Variants in LAMA4 observed in about 807,000 individuals in gnomAD.
The protein encoded by LAMA4 is laminin subunit alpha-4.
In LAMA4, 127 loss-of-function variants were observed where a neutral mutation model predicts 207.1. The observed-to-expected ratio is 0.61, with a 90% CI of 0.53 to 0.71. The LOEUF is 0.71. Among genes scored for constraint, LAMA4 ranks in the 30% least tolerant of loss-of-function variants. The pLI is 0.00. For synonymous variants in LAMA4, 761 were observed against 816.0 expected (o/e 0.93, Z 1.15); for missense variants, 2,093 against 2,246.5 (o/e 0.93, Z 1.38).
Position 112,150,576 on chromosome 6 carries a change from G to T in LAMA4, c.2108C>A (p.Ala703Glu), listed in dbSNP as rs1780338759. The T allele has an allele frequency of 6.2e-7, 1 of 1,613,878 alleles. No homozygotes were observed. The highest frequency in any genetic ancestry group is 1.7e-5 in the Admixed American group (1 of 59,994). ...TCTGGTTTTAAGGGCACTTTTCCTTGCTAGGGCTCCACCCACACGCCTGCT... is the reference window on the plus strand; with the variant it reads ...TCTGGTTTTAAGGGCACTTTTCCTTTCTAGGGCTCCACCCACACGCCTGCT... The part of the protein sequence containing the change: ...DTSRRVGGAL[A>E]RKSALKTRLS... Residue 703 changes from alanine (A) to glutamate (E), a missense_variant, in exon 17 of 39, where the codon GCA becomes GAA. Ala to Glu is a moderately radical substitution (Grantham distance 107). Coordinates refer to ENST00000230538, the MANE Select transcript of LAMA4 (RefSeq NM_001105206.3).
intron 2 of LAMA4, among the ~76,000 whole-genome samples, chr6:112,223,583 TA>T (rs1554361317): frequency 6.6e-6 from 1 of 152,218 alleles, no homozygotes; most frequent in Non-Finnish European, 1.5e-5. Flanking sequence ...GAACTGTCTA[TA>T]AATGACAACA....
intron 2 of LAMA4, among the ~76,000 whole-genome samples, chr6:112,222,986 G>A (rs1554361041): frequency 6.6e-6 from 1 of 152,144 alleles, no homozygotes; most frequent in African/African-American, 2.4e-5. Context: ...GTTTATAGTA[G>A]AGATTGTTGC....
chr6:112,135,695 T>C (rs1271332765), intron 25 of LAMA4: 2 of 167,152 alleles, frequency 1.2e-5, no homozygotes, highest in Non-Finnish European at 2.6e-5. Flanking sequence ...AAATTCTGGA[T>C]AAGTGGTTTA....
chr6:112,221,683 G>T (rs1784933222), intron 2 of LAMA4, among the ~76,000 whole-genome samples: 1 of 152,176 alleles, frequency 6.6e-6, no homozygotes, highest in Non-Finnish European at 1.5e-5. Flanking sequence ...GTCAGCTTAA[G>T]ATAGAATGTT....
In LAMA4 at chr6:112,172,629, G is replaced by A. The variant is rs1554342220; in HGVS notation, c.1533C>T (p.Ala511=). ...GCTGTACCTCATGGTCCCGCTGCCT[G>A]GCTGCTGTGGCCCTGTTCATGTCTT... ...DAEDMNRATA[A]RQRDHEKQQE... The change falls in exon 12 of 39, where the codon GCC becomes GCT. Residue 511 remains alanine, a synonymous_variant. Transcript: ENST00000230538. The A allele has an allele frequency of 2.5e-6, 4 of 1,612,946 alleles. No individual in the cohort carries two copies. The highest frequency in any genetic ancestry group is 3.4e-6 in the Non-Finnish European group (4 of 1,180,000).
In LAMA4 at chr6:112,194,694, C is replaced by G. The variant is rs371128109; in HGVS notation, c.504-2844G>C. 8.5e-5 allele frequency among the ~76,000 whole-genome samples: 13 copies of G among 152,276 alleles called. No homozygotes were observed. The East Asian group carries it at 2.5e-3, about 29-fold the overall frequency. ...TTAATGTTCTTTCCACTCCAGCAGT[C>G]TAGCATTAAAGAATGAACTAATTAA... On this transcript the variant is annotated intron_variant, in intron 5 of 38. Coordinates refer to ENST00000230538, the MANE Select transcript of LAMA4 (RefSeq NM_001105206.3).
At chr6:112,191,479 G>A (rs1438033410) in intron 6 of LAMA4, among the ~76,000 whole-genome samples, 157 bp downstream of exon 6, 1 of 152,218 alleles carries the variant, frequency 6.6e-6, no homozygotes, top group Non-Finnish European at 1.5e-5. Context: ...TATCCCTGAT[G>A]GGTTTGGGAT....
At chr6:112,169,346 T>C (rs1781581331) in intron 12 of LAMA4, among the ~76,000 whole-genome samples, 1 of 151,596 alleles carries the variant, frequency 6.6e-6, no homozygotes, top group African/African-American at 2.4e-5. Context: ...AATGAGAAAA[T>C]AGGAAAGGAA....
chr6:112,134,937 CT>C (rs200187282), intron 25 of LAMA4, among the ~76,000 whole-genome samples: 2 of 150,628 alleles, frequency 1.3e-5, no homozygotes, highest in Admixed American at 6.6e-5. Context: ...CCACCATTCT[CT>C]TTTTTTTTAA....
intron 12 of LAMA4, among the ~76,000 whole-genome samples, chr6:112,170,167 A>G (rs984168774): frequency 3.1e-4 from 47 of 152,242 alleles, no homozygotes; most frequent in African/African-American, 1.1e-3. Context: ...CACAATCTAA[A>G]ATGAGAACCA....
Position 112,108,134 on chromosome 6 carries a change from T to G in LAMA4, c.*1303A>C, listed in dbSNP as rs1777524820. On this transcript the variant is annotated 3_prime_UTR_variant, in exon 39 of 39. Coordinates refer to ENST00000230538, the MANE Select transcript of LAMA4 (RefSeq NM_001105206.3). ...ATATATAATCATTTCAAGGTAACAT[T>G]GTTTTATTCCCCTTGGTAATTCCTC... 6.6e-6 allele frequency among the ~76,000 whole-genome samples: 1 copy of G among 152,170 alleles called. No homozygotes were observed. The highest frequency in any genetic ancestry group is 1.5e-5 in the Non-Finnish European group (1 of 68,024).
At chr6:112,172,462 A>G (rs782666142) in intron 12 of LAMA4, 149 bp downstream of exon 12, 26 of 731,330 alleles carry the variant, frequency 3.6e-5, no homozygotes, top group Non-Finnish European at 5.7e-5. Flanking sequence ...CAAGTTAGTA[A>G]TTTATAGCAC....
Position 112,119,257 on chromosome 6 carries a change from C to T in LAMA4, c.4720G>A (p.Val1574Ile). 2 of 1,614,028 alleles carry T rather than the reference C, an allele frequency of 1.2e-6. No homozygotes were observed. The highest frequency in any genetic ancestry group is 1.7e-6 in the Non-Finnish European group (2 of 1,179,928). ...GTAGGAGGAAGACTTTCTTCTAGGA[C>T]TCGGAGACCATCAATTACCAGTCGG... Reference protein sequence around the residue: ...SGRLVIDGLRVLEESLPPTEA... With the variant: ...SGRLVIDGLRILEESLPPTEA... The change falls in exon 34 of 39, where the codon GTC becomes ATC. Residue 1574 changes from valine (V) to isoleucine (I), a missense_variant. Val to Ile is a conservative substitution (Grantham distance 29). Coordinates refer to ENST00000230538, the MANE Select transcript of LAMA4 (RefSeq NM_001105206.3).
intron 3 of LAMA4, among the ~76,000 whole-genome samples, chr6:112,210,171 T>C (rs1232120285): frequency 6.6e-6 from 1 of 151,976 alleles, no homozygotes; most frequent in African/African-American, 2.4e-5. Flanking sequence ...ATTATGCCTC[T>C]TTTCTTTATA....
At chr6:112,225,787 T>C (rs1785176805) in intron 2 of LAMA4, among the ~76,000 whole-genome samples, 1 of 152,228 alleles carries the variant, frequency 6.6e-6, no homozygotes, top group African/African-American at 2.4e-5. Context: ...TTATCAAAAC[T>C]CAACAGTAAC....
chr6:112,119,332 T>C, intron 33 of LAMA4, 21 bp from the exon 34 acceptor site: 5 of 1,612,358 alleles, frequency 3.1e-6, no homozygotes, highest in Non-Finnish European at 4.2e-6. Flanking sequence ...AGAAGGACAA[T>C]AGCACATCTC....
At chr6:112,241,002 T>G (rs1200087448) in intron 2 of LAMA4, among the ~76,000 whole-genome samples, 1 of 150,094 alleles carries the variant, frequency 6.7e-6, no homozygotes, top group Non-Finnish European at 1.5e-5. Context: ...GTCAGCTCTT[T>G]CCATATCCTT....
At chr6:112,160,808 CTT>C (rs1429315844) in intron 13 of LAMA4, among the ~76,000 whole-genome samples, 2 of 152,206 alleles carry the variant, frequency 1.3e-5, no homozygotes, top group African/African-American at 4.8e-5. Context: ...TGAGGGCAGT[CTT>C]TGAGTATTCT....
chr6:112,182,131 A>AATAAATAC (rs1782401805), intron 9 of LAMA4, among the ~76,000 whole-genome samples: 2 of 151,478 alleles, frequency 1.3e-5, no homozygotes, highest in Admixed American at 1.3e-4. Context: ...TAAATAAATA[A>AATAAATAC]ATATTATATA....
Sources: allele counts gnomAD v4.1 joint callset (sites outside exome capture counted in the v4.1 genomes callset), GRCh38; gene constraint gnomAD v4.1.1; transcripts MANE v1.5; gene names NCBI Gene and HGNC (gene_info 2026-07-23, HGNC 2026-07-21).